WWP2: variants seen among roughly 807,000 people sequenced by gnomAD.
WWP2 encodes the protein NEDD4-like E3 ubiquitin-protein ligase WWP2.
WWP2 carries 57 observed loss-of-function variants against 121.0 expected under a neutral mutation model. That is an observed-to-expected ratio of 0.47 (90% CI 0.38 to 0.59). The LOEUF (loss-of-function observed/expected upper bound fraction) is 0.59, where lower values mean the gene tolerates loss of function less well. Among genes scored for constraint, WWP2 ranks in the 20% least tolerant of loss-of-function variants. The pLI is 0.00. For synonymous variants in WWP2, 449 were observed against 441.3 expected (o/e 1.02, Z -0.22); for missense variants, 962 against 1,158.9 (o/e 0.83, Z 2.47).
chr16:69,867,819 G>T (rs1481024362), intron 6 of WWP2, among the ~76,000 whole-genome samples: 2 of 152,218 alleles, frequency 1.3e-5, no homozygotes, highest in Non-Finnish European at 2.9e-5. Context: ...TGCCCTGGGG[G>T]CTGTATAACT....
At chr16:69,894,817 C>G (rs2058083588) in intron 8 of WWP2, 1 of 152,200 alleles carries the variant, frequency 6.6e-6, no homozygotes, top group African/African-American at 2.4e-5. Context: ...CCAAGTGTGT[C>G]CCTTACAGTC....
At chr16:69,830,300 C>T (rs542180447) in intron 4 of WWP2, among the ~76,000 whole-genome samples, 6 of 151,960 alleles carry the variant, frequency 3.9e-5, no homozygotes, top group Non-Finnish European at 5.9e-5. Flanking sequence ...CTTTGTTGCC[C>T]AGGCTGGTCC....
chr16:69,794,004 G>T (rs1336427059), intron 2 of WWP2, among the ~76,000 whole-genome samples: 1 of 131,238 alleles, frequency 7.6e-6, no homozygotes, highest in African/African-American at 2.9e-5. Flanking sequence ...TGCACTTTCT[G>T]CCTCCTGGGT....
chr16:69,937,425 A>AT lies in WWP2; in HGVS notation c.2239-122dup, dbSNP rs2058816323. The AT allele has an allele frequency of 2.3e-5, 31 of 1,354,372 alleles. No individual in the cohort carries two copies. The South Asian group carries it at 3.8e-4, about 16-fold the overall frequency. The allele number at this position is 1,354,372 out of a possible 1,614,324, so 83.9% of individuals were successfully genotyped here. On this transcript the variant is annotated intron_variant, in intron 20 of 23. Coordinates refer to ENST00000359154, the MANE Select transcript of WWP2 (RefSeq NM_001270454.2). The surrounding 1 kb of genome is among the most constrained non-coding windows in gnomAD (Gnocchi z 6.6). ...AAGAAAGCAGGGACTTACATTACCCATATTATTAACGCTGACACCAAAAAT... is the reference window on the plus strand; with the variant it reads ...AAGAAAGCAGGGACTTACATTACCCATTATTATTAACGCTGACACCAAAAAT...
intron 13 of WWP2, among the ~76,000 whole-genome samples, chr16:69,930,818 G>A (rs1199751339): frequency 6.6e-6 from 1 of 152,232 alleles, no homozygotes; most frequent in Non-Finnish European, 1.5e-5. Context: ...GCCGCAGTGA[G>A]CCATGATCAC....
chr16:69,831,452 T>A (rs1436041977), intron 4 of WWP2, among the ~76,000 whole-genome samples: 1 of 152,056 alleles, frequency 6.6e-6, no homozygotes, highest in Non-Finnish European at 1.5e-5. Context: ...GTTTATGTAG[T>A]TTTTTTTCTT....
In WWP2 at chr16:69,842,053, G is replaced by C. The variant is rs755782083; in HGVS notation, c.508G>C (p.Gly170Arg). ...GSQLPSRDSS[G>R]TAVAPENRHQ... ...ACAGCTGCCTTCGAGAGACTCCAGT[G>C]GAACAGCAGTAGCTCCAGAGAACCG... Residue 170 changes from glycine to arginine, a missense_variant, in exon 6 of 24, where the codon GGA becomes CGA. Physicochemically the swap from Gly to Arg is moderately radical, Grantham distance 125 (BLOSUM62 -2). Around this residue, in one of 3 missense-constraint regions of WWP2, gnomAD observed 211 missense variants for 196.5 expected, o/e 1.07. Transcript: ENST00000359154. 1.2e-6 allele frequency: 2 copies of C among 1,613,438 alleles called. No individual in the cohort carries two copies. Among genetic ancestry groups the C allele is most frequent in the Non-Finnish European group, 1.7e-6 (2 of 1,179,790 alleles).
intron 6 of WWP2, 23 bp downstream of exon 6, chr16:69,842,143 C>T: frequency 1.2e-6 from 2 of 1,605,996 alleles, no homozygotes; most frequent in Non-Finnish European, 1.7e-6. Flanking sequence ...TTGGTGAGGA[C>T]AAAGAGCTAA....
rs191135114 is a variant in WWP2, at chr16:69,801,674, A to G, written c.340+2379A>G. 4.7e-3 allele frequency among the ~76,000 whole-genome samples: 720 copies of G among 151,896 alleles called. 19 individuals are homozygous for G. Among genetic ancestry groups the G allele is most frequent in the Non-Finnish European group, 8.5e-4 (58 of 67,922 alleles). ...GCCATCTCCTGCCTCAGCCTCCGGA[A>G]TAGCTGGAACCACAGGCGTGCACCA... On this transcript the variant is annotated intron_variant, in intron 4 of 23. Transcript: ENST00000359154.
At chr16:69,934,169 CTCCCTCCTCT>C in intron 17 of WWP2, 40 bp downstream of exon 17, 1 of 1,606,596 alleles carries the variant, frequency 6.2e-7, no homozygotes, top group South Asian at 1.1e-5. Context: ...CCCTCCTCCT[CTCCCTCCTCT>C]TCCCTCTCCT....
At chr16:69,845,147 A>G (rs915070787) in intron 6 of WWP2, among the ~76,000 whole-genome samples, 3 of 152,156 alleles carry the variant, frequency 2.0e-5, no homozygotes, top group Admixed American at 1.3e-4. Flanking sequence ...TTTCAGGTGT[A>G]AAGTGGGGGT....
chr16:69,894,052 G>GGCTGTATTTTTCAGGTT (rs1166796738), intron 8 of WWP2, among the ~76,000 whole-genome samples: 3 of 151,758 alleles, frequency 2.0e-5, no homozygotes, highest in African/African-American at 7.3e-5. Context: ...GGGATCTCAT[G>GGCTGTATTTTTCAGGTT]GCTGTATTTT....
chr16:69,791,232 C>CTT (rs1555546040), intron 2 of WWP2, among the ~76,000 whole-genome samples: 2 of 145,378 alleles, frequency 1.4e-5, no homozygotes, highest in African/African-American at 2.5e-5. Flanking sequence ...TTTTTTCTTT[C>CTT]TTTTTTTTTT....
rs867479928 is a variant in WWP2, at chr16:69,929,652, A to T, written c.1316+123A>T. 1.1e-4 allele frequency: 89 copies of T among 808,632 alleles called. No individual in the cohort carries two copies. The Middle Eastern group carries it at 1.7e-3, about 15-fold the overall frequency. 50.1% of individuals were successfully genotyped at this position (808,632 alleles called of 1,614,324 possible). ...TGATGTCAGGGACCTTTAGCCACACACAAGTGTCTTGAGACTCTCACCGTA... is the reference window on the plus strand; with the variant it reads ...TGATGTCAGGGACCTTTAGCCACACTCAAGTGTCTTGAGACTCTCACCGTA... On this transcript the variant is annotated intron_variant, in intron 12 of 23. Coordinates refer to ENST00000359154, the MANE Select transcript of WWP2 (RefSeq NM_001270454.2).
At chr16:69,880,490 G>A (rs954283581) in intron 7 of WWP2, among the ~76,000 whole-genome samples, 5 of 152,288 alleles carry the variant, frequency 3.3e-5, no homozygotes, top group Middle Eastern at 3.4e-3. Flanking sequence ...TTGAAGCACA[G>A]TAGGATGTAA....
intron 4 of WWP2, among the ~76,000 whole-genome samples, chr16:69,813,022 C>T (rs563521391): frequency 2.6e-4 from 39 of 152,234 alleles, no homozygotes; most frequent in Admixed American, 1.8e-3. Context: ...TCCATCCTTC[C>T]TTCTGCATTT....
chr16:69,874,006 CA>C (rs2057690460), intron 7 of WWP2, among the ~76,000 whole-genome samples: 1 of 152,074 alleles, frequency 6.6e-6, no homozygotes, highest in East Asian at 1.9e-4. Flanking sequence ...GCCGTGTCTT[CA>C]AAAGCCAGGC....
At chr16:69,831,698 C>A (rs531012762) in intron 4 of WWP2, among the ~76,000 whole-genome samples, 1 of 152,080 alleles carries the variant, frequency 6.6e-6, no homozygotes, top group African/African-American at 2.4e-5. Context: ...AGTTATTCCC[C>A]AAACAGCTTG....
At position 69,799,498 on chromosome 16, in the gene WWP2, C is replaced by G. The variant is rs1433007718; in HGVS notation, c.340+203C>G. On this transcript the variant is annotated intron_variant, in intron 4 of 23. Transcript: ENST00000359154. This position sits in a 1 kb window ranked among gnomAD's most constrained non-coding sequence, Gnocchi z 4.5. ...GTTTAGCCCTCTTTGTCCAGGGCCT[C>G]TAGTAATGTGATGCAGTGGTGTGTT... 3.3e-6 allele frequency: 2 copies of G among 610,362 alleles called. No individual in the cohort carries two copies. The highest frequency in any genetic ancestry group is 6.3e-5 in the East Asian group (2 of 31,684). 37.8% of individuals were successfully genotyped at this position (610,362 alleles called of 1,614,324 possible).
Sources: allele counts gnomAD v4.1 joint callset (sites outside exome capture counted in the v4.1 genomes callset), GRCh38; gene constraint gnomAD v4.1.1; regional missense constraint gnomAD v4.1.1; non-coding constraint Gnocchi (gnomAD v3.1); transcripts MANE v1.5; gene names NCBI Gene and HGNC (gene_info 2026-07-23, HGNC 2026-07-21).